The following TENM3 variants were observed in gnomAD, a reference collection of about 807,000 sequenced individuals.
The protein encoded by TENM3 is teneurin-3.
TENM3 carries 63 observed loss-of-function variants against 255.1 expected under a neutral mutation model. That is an observed-to-expected ratio of 0.25 (90% CI 0.20 to 0.30). The LOEUF is 0.30. TENM3 is among the 10% of genes least tolerant of loss of function. The probability of loss-of-function intolerance (pLI) is 1.00; values close to 1 mark genes in which losing one functional copy is unlikely to be tolerated. For missense variants in TENM3, 2,929 were observed against 3,461.1 expected (o/e 0.85, Z 3.86); for synonymous variants, 1,306 against 1,322.3 (o/e 0.99, Z 0.27).
At chr4:182,411,773 C>T (rs55981773) in intron 3 of TENM3, among the ~76,000 whole-genome samples, 2,093 of 152,244 alleles carry the variant, frequency 0.014, 40 homozygotes, top group African/African-American at 0.047. Context: ...TGAATACTTC[C>T]TGTAAAGAGG....
chr4:182,641,747 A>T (rs1239040477), intron 5 of TENM3, among the ~76,000 whole-genome samples: 1 of 152,164 alleles, frequency 6.6e-6, no homozygotes, highest in Admixed American at 6.5e-5. Context: ...AGCTGGTCTC[A>T]AACTCCTGAC....
the TENM3 span, among the ~76,000 whole-genome samples, chr4:181,767,488 A>G: frequency 3.3e-5 from 5 of 152,092 alleles, no homozygotes; most frequent in Non-Finnish European, 5.9e-5. Context: ...GAATAAATAC[A>G]TTATAATTTC....
At chr4:182,680,509 G>A in intron 9 of TENM3, 34 bp from the exon 10 acceptor site, 1 of 1,607,630 alleles carries the variant, frequency 6.2e-7, no homozygotes. Context: ...TGGAAAGTGT[G>A]GCTGTAATTC....
chr4:182,131,540 G>C, the TENM3 span, among the ~76,000 whole-genome samples: 7 of 152,148 alleles, frequency 4.6e-5, no homozygotes, highest in Admixed American at 3.3e-4. Flanking sequence ...CAAAGATACT[G>C]GGTTTACCTT....
the TENM3 span, among the ~76,000 whole-genome samples, chr4:181,837,134 T>C: frequency 2.0e-5 from 3 of 152,056 alleles, no homozygotes; most frequent in African/African-American, 7.2e-5. Context: ...TATCTTCATA[T>C]TTGAAGACAT....
Position 182,751,938 on chromosome 4 carries a change from C to T in TENM3, c.3768C>T (p.Val1256=), listed in dbSNP as rs375491156. The T allele has an allele frequency of 1.5e-5, 25 of 1,613,722 alleles. No homozygotes were observed. In the African/African-American group the frequency reaches 1.9e-4, roughly 12 times the overall value. The change falls in exon 20 of 28, where the codon GTC becomes GTT. Residue 1256 remains valine (V), a synonymous_variant. Coordinates refer to ENST00000511685, the MANE Select transcript of TENM3 (RefSeq NM_001080477.4). ...GAKDLTKNAE[V]VAGTGEQCLP... ...AAGACTTGACTAAAAATGCAGAAGT[C>T]GTCGCAGGGACAGGGGAGCAATGCC...
At chr4:181,841,074 C>A in the TENM3 span, among the ~76,000 whole-genome samples, 2 of 151,860 alleles carry the variant, frequency 1.3e-5, no homozygotes, top group African/African-American at 4.8e-5. Context: ...TTTGGAGAAC[C>A]TATAAGTAAG....
chr4:181,944,537 T>A, the TENM3 span, among the ~76,000 whole-genome samples: 1 of 152,182 alleles, frequency 6.6e-6, no homozygotes, highest in Non-Finnish European at 1.5e-5. Context: ...GATCTGGGTA[T>A]GCCTTGGCCT....
chr4:182,687,560 T>G (rs2152574019), intron 11 of TENM3, among the ~76,000 whole-genome samples: 1 of 152,334 alleles, frequency 6.6e-6, no homozygotes, highest in Non-Finnish European at 1.5e-5. Flanking sequence ...GAAATTTGTA[T>G]CTGTCAACTG....
the TENM3 span, among the ~76,000 whole-genome samples, chr4:181,523,371 A>C: frequency 1.3e-5 from 2 of 151,946 alleles, no homozygotes; most frequent in African/African-American, 4.8e-5. Flanking sequence ...ACTTGAGTCT[A>C]TTTCATGCAA....
chr4:181,705,120 A>G, the TENM3 span, among the ~76,000 whole-genome samples: 1 of 152,162 alleles, frequency 6.6e-6, no homozygotes, highest in Admixed American at 6.5e-5. Context: ...GGGTAGAGGG[A>G]TGGGGAATGG....
the TENM3 span, among the ~76,000 whole-genome samples, chr4:181,935,150 A>C: frequency 6.6e-6 from 1 of 152,250 alleles, no homozygotes; most frequent in African/African-American, 2.4e-5. Context: ...AAAATGAAGT[A>C]TAATTCAAAA....
chr4:181,922,041 G>T, the TENM3 span, among the ~76,000 whole-genome samples: 6 of 152,120 alleles, frequency 3.9e-5, no homozygotes, highest in African/African-American at 1.2e-4. Flanking sequence ...TACATTTATT[G>T]ATTTGCATAT....
At chr4:182,719,252 CTTTTTTTTTTTT>C (rs11348241) in intron 13 of TENM3, among the ~76,000 whole-genome samples, 6 of 80,822 alleles carry the variant, frequency 7.4e-5, no homozygotes, top group African/African-American at 1.1e-4. Context: ...TTTTTTTTTT[CTTTTTTTTTTTT>C]TTTTTTTTTT....
chr4:181,555,326 G>C, the TENM3 span, among the ~76,000 whole-genome samples: 1 of 152,080 alleles, frequency 6.6e-6, no homozygotes, highest in Non-Finnish European at 1.5e-5. Flanking sequence ...TGTCTCATTC[G>C]AGACTATATT....
At chr4:182,002,775 T>C in the TENM3 span, among the ~76,000 whole-genome samples, 1 of 152,160 alleles carries the variant, frequency 6.6e-6, no homozygotes, top group African/African-American at 2.4e-5. Context: ...TTCATACCTG[T>C]AGGCTATAGA....
chr4:181,967,302 G>A, the TENM3 span, among the ~76,000 whole-genome samples: 1 of 152,230 alleles, frequency 6.6e-6, no homozygotes, highest in South Asian at 2.1e-4. Context: ...ACCCAGTTCT[G>A]TAACCCCCAG....
the TENM3 span, among the ~76,000 whole-genome samples, chr4:181,546,100 C>G: frequency 6.6e-6 from 1 of 152,148 alleles, no homozygotes; most frequent in Non-Finnish European, 1.5e-5. Flanking sequence ...AAAGGTCTTG[C>G]GTTCTTATGC....
intron 3 of TENM3, among the ~76,000 whole-genome samples, chr4:182,535,498 G>A (rs890061273): frequency 1.3e-5 from 2 of 152,110 alleles, no homozygotes; most frequent in African/African-American, 4.8e-5. Context: ...GATTTGCGAA[G>A]ATGAGGTGGA....
Sources: allele counts gnomAD v4.1 joint callset (sites outside exome capture counted in the v4.1 genomes callset), GRCh38; gene constraint gnomAD v4.1.1; transcripts MANE v1.5; gene names NCBI Gene and HGNC (gene_info 2026-07-23, HGNC 2026-07-21).